Variants in MRTFB observed in about 807,000 individuals in gnomAD.
MRTFB encodes the protein myocardin-related transcription factor B.
MRTFB carries 29 observed loss-of-function variants against 104.2 expected under a neutral mutation model. That is an observed-to-expected ratio of 0.28 (90% CI 0.21 to 0.38). The LOEUF (loss-of-function observed/expected upper bound fraction) is 0.38, where lower values mean the gene tolerates loss of function less well. Among genes scored for constraint, MRTFB ranks in the 10% least tolerant of loss-of-function variants. The probability of loss-of-function intolerance (pLI) is 1.00; values close to 1 mark genes in which losing one functional copy is unlikely to be tolerated. For synonymous variants in MRTFB, 535 were observed against 519.5 expected (o/e 1.03, Z -0.41); for missense variants, 1,270 against 1,341.6 (o/e 0.95, Z 0.83).
chr16:13,996,028 T>C, the MRTFB span, among the ~76,000 whole-genome samples: 2 of 152,122 alleles, frequency 1.3e-5, no homozygotes, highest in Admixed American at 6.5e-5. Context: ...TCCTATCACT[T>C]TGGGAGGCCA....
chr16:14,054,115 T>C, the MRTFB span, among the ~76,000 whole-genome samples: 1 of 152,214 alleles, frequency 6.6e-6, no homozygotes, highest in Admixed American at 6.5e-5. Flanking sequence ...CACCAAGCTC[T>C]TTCCTGACTC....
intron 3 of MRTFB, among the ~76,000 whole-genome samples, chr16:14,176,980 A>T (rs2039603976): frequency 6.6e-6 from 1 of 152,244 alleles, no homozygotes; most frequent in Admixed American, 6.5e-5. Flanking sequence ...AAAGAGACTG[A>T]TACTGGAACT....
At chr16:14,007,102 A>G in the MRTFB span, among the ~76,000 whole-genome samples, 2 of 152,252 alleles carry the variant, frequency 1.3e-5, no homozygotes, top group Non-Finnish European at 2.9e-5. Context: ...AAAATGTACA[A>G]GTCAATGGCT....
chr16:14,263,823 C>T lies in MRTFB; in HGVS notation c.*2379C>T, dbSNP rs1354069040. On this transcript the variant is annotated 3_prime_UTR_variant, in exon 17 of 17. Coordinates refer to ENST00000571589, the MANE Select transcript of MRTFB (RefSeq NM_001308142.2). ...GACAAGGCATCTCTACCCATTAACT[C>T]TGCAAGCCACTCCACTTGCACCATT... 1 of 152,188 alleles carries T rather than the reference C, an allele frequency of 6.6e-6. No individual in the cohort carries two copies. Among genetic ancestry groups the T allele is most frequent in the Non-Finnish European group, 1.5e-5 (1 of 68,044 alleles). The allele number at this position is 152,188 out of a possible 1,614,324, so 9.4% of individuals were successfully genotyped here. A position where few individuals can be genotyped will look rare whatever the true frequency, so the allele number is the denominator to read the frequency against.
the MRTFB span, among the ~76,000 whole-genome samples, chr16:14,036,851 A>G: frequency 6.6e-6 from 1 of 151,900 alleles, no homozygotes. Context: ...GCCAGCCCCC[A>G]CTGAACCCCA....
the MRTFB span, among the ~76,000 whole-genome samples, chr16:14,048,184 A>C: frequency 2.0e-5 from 3 of 152,228 alleles, no homozygotes; most frequent in Admixed American, 2.0e-4. Context: ...CTTTGACTCC[A>C]TGTCTCACAT....
At chr16:14,086,519 C>T (rs938278857) in intron 2 of MRTFB, among the ~76,000 whole-genome samples, 5 of 152,232 alleles carry the variant, frequency 3.3e-5, no homozygotes, top group Non-Finnish European at 7.4e-5. Flanking sequence ...ATAATTGAGT[C>T]TTCAATAGTA....
At chr16:14,139,579 C>T (rs573916929) in intron 2 of MRTFB, among the ~76,000 whole-genome samples, 65 of 152,306 alleles carry the variant, frequency 4.3e-4, no homozygotes, top group African/African-American at 1.4e-3. Flanking sequence ...TGGATACATG[C>T]TTTTACTTCT....
intron 3 of MRTFB, among the ~76,000 whole-genome samples, chr16:14,145,093 T>C (rs2038241885): frequency 6.6e-6 from 1 of 151,154 alleles, no homozygotes; most frequent in African/African-American, 2.4e-5. Flanking sequence ...GAGCAGAGTA[T>C]GTTCACATCA....
At chr16:14,186,913 C>A in intron 3 of MRTFB, 1 of 1,598,202 alleles carries the variant, frequency 6.3e-7, no homozygotes, top group Non-Finnish European at 8.5e-7. Flanking sequence ...AAGCCTCTCA[C>A]CATGATCGAT....
chr16:14,239,254 G>GAAGGATATAAA (rs2042658215), intron 9 of MRTFB, among the ~76,000 whole-genome samples: 1 of 152,146 alleles, frequency 6.6e-6, no homozygotes, highest in Non-Finnish European at 1.5e-5. Context: ...ATATCCAAAG[G>GAAGGATATAAA]AAGGATATAA....
chr16:14,223,351 G>T (rs1395018367), intron 8 of MRTFB, among the ~76,000 whole-genome samples: 2 of 151,710 alleles, frequency 1.3e-5, no homozygotes, highest in African/African-American at 4.8e-5. Flanking sequence ...ACCATTCAGG[G>T]AACAAAATAA....
At chr16:14,223,917 T>A (rs2041872069) in intron 8 of MRTFB, among the ~76,000 whole-genome samples, 1 of 152,200 alleles carries the variant, frequency 6.6e-6, no homozygotes, top group African/African-American at 2.4e-5. Context: ...AGTAGTCAGT[T>A]CTCACACCAC....
At chr16:14,217,558 G>T (rs982723707) in intron 7 of MRTFB, among the ~76,000 whole-genome samples, 2 of 152,136 alleles carry the variant, frequency 1.3e-5, no homozygotes, top group African/African-American at 2.4e-5. Context: ...CTTTAGGACT[G>T]CATGGAATCA....
At chr16:14,133,738 A>C (rs901827408) in intron 2 of MRTFB, among the ~76,000 whole-genome samples, 7 of 152,186 alleles carry the variant, frequency 4.6e-5, no homozygotes, top group African/African-American at 1.7e-4. Flanking sequence ...CATTTAAATC[A>C]TGCTAATTAT....
the MRTFB span, among the ~76,000 whole-genome samples, chr16:14,011,564 T>G: frequency 1.3e-5 from 2 of 152,206 alleles, no homozygotes; most frequent in Admixed American, 6.5e-5. Context: ...TTTCCTAAAT[T>G]AATAAGAGCA....
At chr16:14,025,902 G>C in the MRTFB span, among the ~76,000 whole-genome samples, 2 of 152,058 alleles carry the variant, frequency 1.3e-5, no homozygotes, top group Non-Finnish European at 2.9e-5. Context: ...AAAACCCTTA[G>C]GATATAAACC....
At chr16:14,083,728 G>A (rs1003583775) in intron 2 of MRTFB, among the ~76,000 whole-genome samples, 3 of 152,128 alleles carry the variant, frequency 2.0e-5, no homozygotes, top group East Asian at 1.9e-4. Context: ...ACCAGGTACC[G>A]TAATCTGTCG....
At chr16:14,218,734 A>G (rs2041544534) in intron 7 of MRTFB, 86 bp from the exon 8 acceptor site, 1 of 1,351,042 alleles carries the variant, frequency 7.4e-7, no homozygotes, top group East Asian at 2.4e-5. Context: ...ATAAATTTTC[A>G]TAGGAAACAA....
Sources: allele counts gnomAD v4.1 joint callset (sites outside exome capture counted in the v4.1 genomes callset), GRCh38; gene constraint gnomAD v4.1.1; transcripts MANE v1.5; gene names NCBI Gene and HGNC (gene_info 2026-07-23, HGNC 2026-07-21).